The following BACH2 variants were observed in gnomAD, a reference collection of about 807,000 sequenced individuals.
BACH2 encodes the protein BACH transcriptional regulator 2, also known as transcription regulator protein BACH2.
In BACH2, 5 loss-of-function variants were observed where a neutral mutation model predicts 61.8. That is an observed-to-expected ratio of 0.08 (90% CI 0.04 to 0.17). The LOEUF is 0.17. BACH2 is among the 10% of genes least tolerant of loss of function. The probability of loss-of-function intolerance (pLI) is 1.00; values close to 1 mark genes in which losing one functional copy is unlikely to be tolerated. For missense variants in BACH2, 824 were observed against 1,091.1 expected (o/e 0.76, Z 3.45); for synonymous variants, 446 against 440.1 (o/e 1.01, Z -0.17).
At position 90,123,540 on chromosome 6, in the gene BACH2, G is replaced by A. The variant is rs552028577; in HGVS notation, c.-161-34431C>T. On this transcript the variant is annotated intron_variant, in intron 4 of 8. Transcript: ENST00000257749. ...AATCCCAGCACTTTGGGAGGCCGAG[G>A]CGGGCGGATCACGAGGTCAGGAGAT... 2.6e-5 allele frequency among the ~76,000 whole-genome samples: 4 copies of A among 151,870 alleles called. No individual in the cohort carries two copies. The East Asian group carries it at 7.8e-4, about 30-fold the overall frequency.
At chr6:90,183,040 G>C (rs145784434) in intron 4 of BACH2, among the ~76,000 whole-genome samples, 32 of 152,266 alleles carry the variant, frequency 2.1e-4, no homozygotes, top group African/African-American at 6.5e-4. Flanking sequence ...ATAAAACAAA[G>C]GGAAAATCCT....
chr6:90,214,711 C>A (rs1395419881), intron 3 of BACH2, among the ~76,000 whole-genome samples: 1 of 147,812 alleles, frequency 6.8e-6, no homozygotes, highest in Non-Finnish European at 1.5e-5. Context: ...CCTGAAGGTT[C>A]ACTGTTAACC....
At chr6:90,052,850 A>G (rs3930252) in intron 5 of BACH2, among the ~76,000 whole-genome samples, 1 of 151,938 alleles carries the variant, frequency 6.6e-6, no homozygotes, top group Non-Finnish European at 1.5e-5. Flanking sequence ...TATATTTTTT[A>G]AAAAATCTTA....
At chr6:90,059,831 T>C (rs904164635) in intron 5 of BACH2, among the ~76,000 whole-genome samples, 2 of 151,516 alleles carry the variant, frequency 1.3e-5, no homozygotes, top group Non-Finnish European at 2.9e-5. Flanking sequence ...TGTAGGGACA[T>C]GGATCAAGTT....
In BACH2 at chr6:90,225,814, A is replaced by G. The variant is rs1265974436; in HGVS notation, c.-274-19133T>C. Among the ~76,000 whole-genome samples, 5 of 152,348 alleles carry G rather than the reference A, an allele frequency of 3.3e-5. No individual in the cohort carries two copies. The East Asian group carries it at 9.6e-4, about 29-fold the overall frequency. Reference sequence around the variant, plus strand: ...GAATTAGAACTGTGGTGGAGGAGAAAGGCTGCAATTTTACATAGGATAGTC... The same window carrying G: ...GAATTAGAACTGTGGTGGAGGAGAAGGGCTGCAATTTTACATAGGATAGTC... On this transcript the variant is annotated intron_variant, in intron 3 of 8. Transcript: ENST00000257749.
rs370800091 is a variant in BACH2 at position 89,950,851 on chromosome 6, G to C, written c.1255C>G (p.Leu419Val). 3 of 1,613,394 alleles carry C rather than the reference G, an allele frequency of 1.9e-6. No individual in the cohort carries two copies. The highest frequency in any genetic ancestry group is 1.1e-5 in the South Asian group (1 of 91,068). The change falls in exon 7 of 9, where the codon CTC becomes GTC. Residue 419 changes from leucine (L) to valine (V), a missense_variant. Physicochemically the swap from Leu to Val is conservative, Grantham distance 32. Around this residue, in one of 8 missense-constraint regions of BACH2, gnomAD observed 226 missense variants for 228.5 expected, o/e 0.99. Coordinates refer to ENST00000257749, the MANE Select transcript of BACH2 (RefSeq NM_021813.4). The surrounding 1 kb of genome is among the most constrained non-coding windows in gnomAD (Gnocchi z 5.3). ...SPLRGPGLEA[L>V]CKQEGELDRR... ...TCCAGCTCTCCCTCCTGTTTACAGAGAGCCTCCAACCCAGGCCCCCTGAGG... is the reference window on the plus strand; with the variant it reads ...TCCAGCTCTCCCTCCTGTTTACAGACAGCCTCCAACCCAGGCCCCCTGAGG...
At chr6:90,124,382 G>C (rs1279649853) in intron 4 of BACH2, among the ~76,000 whole-genome samples, 1 of 152,210 alleles carries the variant, frequency 6.6e-6, no homozygotes, top group Non-Finnish European at 1.5e-5. Context: ...ATTTCCAAGT[G>C]TTTATTCACA....
At position 90,269,253 on chromosome 6, in the gene BACH2, G is replaced by A. The variant is rs141556995; in HGVS notation, c.-353+2596C>T. Among the ~76,000 whole-genome samples the A allele has an allele frequency of 5.9e-5, 9 of 152,192 alleles. No individual in the cohort carries two copies. In the East Asian group the frequency reaches 1.5e-3, roughly 26 times the overall value. ...ACCAATATTCTATGCTGGGGGTGAG[G>A]GGTGGGAAGGGAAGGGAGAGAGCTT... On this transcript the variant is annotated intron_variant, in intron 2 of 8. Coordinates refer to ENST00000257749, the MANE Select transcript of BACH2 (RefSeq NM_021813.4).
intron 4 of BACH2, among the ~76,000 whole-genome samples, chr6:90,107,916 C>G (rs560463996): frequency 6.6e-6 from 1 of 152,246 alleles, no homozygotes; most frequent in East Asian, 1.9e-4. Flanking sequence ...AAACAATACC[C>G]TTTAGGAATT....
chr6:89,939,929 T>A (rs1205722492), intron 7 of BACH2, among the ~76,000 whole-genome samples: 1 of 150,526 alleles, frequency 6.6e-6, no homozygotes, highest in African/African-American at 2.4e-5. Context: ...TTCAAACTCC[T>A]GGGCTCAAGT....
intron 4 of BACH2, among the ~76,000 whole-genome samples, chr6:90,174,109 T>C (rs1021589168): frequency 1.3e-5 from 2 of 151,850 alleles, no homozygotes; most frequent in Admixed American, 6.6e-5. Context: ...AACCCAAAAA[T>C]AAAAGAACCT....
chr6:90,052,181 A>T (rs530085092), intron 5 of BACH2, among the ~76,000 whole-genome samples: 1 of 152,224 alleles, frequency 6.6e-6, no homozygotes, highest in Non-Finnish European at 1.5e-5. Flanking sequence ...GATTCTATGA[A>T]TCAAACTATT....
chr6:89,975,204 T>C (rs1189234687), intron 6 of BACH2, among the ~76,000 whole-genome samples: 1 of 152,202 alleles, frequency 6.6e-6, no homozygotes, highest in Non-Finnish European at 1.5e-5. Flanking sequence ...AGATTTTTTC[T>C]TTTATTTTCC....
intron 5 of BACH2, among the ~76,000 whole-genome samples, chr6:90,058,414 A>G (rs1422682824): frequency 2.6e-5 from 4 of 152,216 alleles, no homozygotes; most frequent in Non-Finnish European, 4.4e-5. Flanking sequence ...TCCAACTTAC[A>G]AGGGATATGA....
At chr6:90,289,723 C>T (rs371634951) in intron 1 of BACH2, among the ~76,000 whole-genome samples, 3 of 152,174 alleles carry the variant, frequency 2.0e-5, no homozygotes, top group East Asian at 1.9e-4. Context: ...GCATTCAACA[C>T]GCAAGAGGCC....
chr6:90,086,516 C>G (rs1294871705), intron 5 of BACH2, among the ~76,000 whole-genome samples: 1 of 152,128 alleles, frequency 6.6e-6, no homozygotes, highest in Non-Finnish European at 1.5e-5. Context: ...CCACATGCCC[C>G]CTGTCGCCCT....
At chr6:90,248,197 A>G (rs1219328493) in intron 3 of BACH2, among the ~76,000 whole-genome samples, 1 of 152,214 alleles carries the variant, frequency 6.6e-6, no homozygotes, top group East Asian at 1.9e-4. Flanking sequence ...CAATCTACAG[A>G]TGTTTGTGAA....
intron 3 of BACH2, among the ~76,000 whole-genome samples, chr6:90,242,885 C>CT (rs1034566481): frequency 8.1e-4 from 118 of 145,054 alleles, no homozygotes; most frequent in African/African-American, 1.2e-3. Flanking sequence ...TATCTGATTT[C>CT]TTTTTTTTTT....
chr6:90,221,275 A>AT (rs1562512541), intron 3 of BACH2, among the ~76,000 whole-genome samples: 2 of 152,142 alleles, frequency 1.3e-5, no homozygotes, highest in African/African-American at 2.4e-5. Context: ...CAAAGTTATA[A>AT]TTTTTTAATC....
Sources: gnomAD v4.1 joint callset for allele counts (sites outside exome capture counted in the v4.1 genomes callset) on GRCh38, gnomAD v4.1.1 for gene constraint, gnomAD v4.1.1 regional missense constraint, Gnocchi (gnomAD v3.1) non-coding constraint, MANE v1.5 for transcripts, NCBI Gene and HGNC (gene_info 2026-07-23, HGNC 2026-07-21) for gene names.